Variants in SLC9A9 observed in about 807,000 individuals in gnomAD.
The protein encoded by SLC9A9 is solute carrier family 9 member A9, also known as sodium/hydrogen exchanger 9.
Under a neutral mutation model 77.8 loss-of-function variants are expected in SLC9A9, and 62 were observed. The ratio of observed to expected loss-of-function variants is 0.80; its 90% CI spans 0.65 to 0.98. The LOEUF is 0.98. Among genes scored for constraint, SLC9A9 ranks in the 50% least tolerant of loss-of-function variants. The pLI, the probability that SLC9A9 is intolerant of heterozygous loss-of-function variation, is 0.00. For missense variants in SLC9A9, 775 were observed against 774.9 expected (o/e 1.00, Z 0.00); for synonymous variants, 320 against 283.5 (o/e 1.13, Z -1.29).
intron 6 of SLC9A9, among the ~76,000 whole-genome samples, chr3:143,625,668 G>T (rs1325480182): frequency 6.6e-6 from 1 of 152,146 alleles, no homozygotes; most frequent in East Asian, 1.9e-4. Flanking sequence ...AACCCTAGAA[G>T]AAAACCTAGG....
chr3:143,839,616 AAC>A (rs1377218740), intron 1 of SLC9A9, among the ~76,000 whole-genome samples: 1 of 152,098 alleles, frequency 6.6e-6, no homozygotes, highest in East Asian at 1.9e-4. Flanking sequence ...AGCACATACA[AAC>A]ACAACACATA....
chr3:143,759,613 G>A (rs2007046619), intron 4 of SLC9A9, among the ~76,000 whole-genome samples: 1 of 151,238 alleles, frequency 6.6e-6, no homozygotes, highest in Non-Finnish European at 1.5e-5. Context: ...CCTGTCACCG[G>A]ATGCAATGAG....
intron 11 of SLC9A9, among the ~76,000 whole-genome samples, chr3:143,478,724 G>A (rs1298528677): frequency 2.6e-5 from 4 of 152,154 alleles, no homozygotes; most frequent in Non-Finnish European, 5.9e-5. Flanking sequence ...CAAAACCTGA[G>A]GGCAGAATTA....
intron 2 of SLC9A9, among the ~76,000 whole-genome samples, chr3:143,797,769 C>T (rs966060337): frequency 2.6e-5 from 4 of 152,102 alleles, no homozygotes; most frequent in East Asian, 1.9e-4. Context: ...GAGAACAACC[C>T]CCTTTGACTG....
At chr3:143,294,566 G>T (rs1188003956) in intron 14 of SLC9A9, among the ~76,000 whole-genome samples, 1 of 152,202 alleles carries the variant, frequency 6.6e-6, no homozygotes, top group Non-Finnish European at 1.5e-5. Flanking sequence ...TCCAAATAAT[G>T]CAAGAAAATA....
intron 6 of SLC9A9, among the ~76,000 whole-genome samples, chr3:143,613,548 T>C (rs748992248): frequency 1.3e-5 from 2 of 152,206 alleles, no homozygotes; most frequent in African/African-American, 4.8e-5. Flanking sequence ...AAAAATAATC[T>C]GGAATTTGTT....
At chr3:143,691,242 A>AT (rs534331209) in intron 5 of SLC9A9, among the ~76,000 whole-genome samples, 3 of 151,256 alleles carry the variant, frequency 2.0e-5, no homozygotes, top group South Asian at 2.1e-4. Context: ...TAATTTTTAA[A>AT]TTTTTTTTTG....
intron 6 of SLC9A9, among the ~76,000 whole-genome samples, chr3:143,628,412 T>C (rs373548543): frequency 3.6e-4 from 55 of 152,326 alleles, no homozygotes; most frequent in African/African-American, 1.3e-3. Flanking sequence ...GCCTATAATA[T>C]AATGTTGAGT....
intron 12 of SLC9A9, among the ~76,000 whole-genome samples, chr3:143,446,783 T>C (rs2034850930): frequency 6.6e-6 from 1 of 152,154 alleles, no homozygotes; most frequent in South Asian, 2.1e-4. Flanking sequence ...TGACTGACTC[T>C]TAGTGTGAGG....
At chr3:143,501,659 G>T (rs2035925638) in intron 9 of SLC9A9, among the ~76,000 whole-genome samples, 1 of 150,926 alleles carries the variant, frequency 6.6e-6, no homozygotes, top group Non-Finnish European at 1.5e-5. Flanking sequence ...TTCAATTGTA[G>T]ATGGTTGTTG....
intron 11 of SLC9A9, among the ~76,000 whole-genome samples, chr3:143,477,481 G>A (rs2108577694): frequency 6.6e-6 from 1 of 151,632 alleles, no homozygotes; most frequent in South Asian, 2.1e-4. Flanking sequence ...CAAGACTGCT[G>A]CTCCATGGAC....
chr3:143,491,662 G>A (rs959079967), intron 11 of SLC9A9, among the ~76,000 whole-genome samples: 5 of 152,284 alleles, frequency 3.3e-5, no homozygotes, highest in African/African-American at 1.2e-4. Flanking sequence ...GCGAAAGCCT[G>A]GAGAAACCAT....
intron 11 of SLC9A9, among the ~76,000 whole-genome samples, chr3:143,482,369 A>G (rs532763536): frequency 3.9e-5 from 6 of 152,336 alleles, no homozygotes; most frequent in African/African-American, 1.4e-4. Flanking sequence ...GAAGTTTTGT[A>G]TAAATCCATG....
At chr3:143,556,061 C>T (rs1482038542) in intron 8 of SLC9A9, among the ~76,000 whole-genome samples, 4 of 152,176 alleles carry the variant, frequency 2.6e-5, no homozygotes, top group African/African-American at 9.7e-5. Context: ...CTAAATACAT[C>T]TATTATCTAT....
intron 4 of SLC9A9, among the ~76,000 whole-genome samples, chr3:143,698,454 T>C (rs560564194): frequency 2.6e-5 from 4 of 152,328 alleles, no homozygotes; most frequent in Admixed American, 2.0e-4. Context: ...TTTACTCTAA[T>C]AGAAGGCATT....
chr3:143,513,997 C>T (rs1484385355), intron 9 of SLC9A9, among the ~76,000 whole-genome samples: 1 of 151,794 alleles, frequency 6.6e-6, no homozygotes, highest in Non-Finnish European at 1.5e-5. Flanking sequence ...CCTCCCCCGT[C>T]CCCCTACCCC....
intron 13 of SLC9A9, 115 bp downstream of exon 13, chr3:143,381,945 A>T: frequency 8.4e-7 from 1 of 1,189,034 alleles, no homozygotes; most frequent in East Asian, 2.3e-5. Flanking sequence ...TTTTATCAGC[A>T]GAGGAAGCTC....
At chr3:143,494,566 T>C (rs1028594482) in intron 10 of SLC9A9, among the ~76,000 whole-genome samples, 1 of 152,266 alleles carries the variant, frequency 6.6e-6, no homozygotes, top group African/African-American at 2.4e-5. Flanking sequence ...TTGCCTCTGC[T>C]GGCTGTTCGG....
intron 2 of SLC9A9, among the ~76,000 whole-genome samples, chr3:143,802,247 C>T (rs915397031): frequency 6.6e-6 from 1 of 152,184 alleles, no homozygotes; most frequent in African/African-American, 2.4e-5. Flanking sequence ...CATTTCATAA[C>T]CTCTTCCATG....
Sources: allele counts gnomAD v4.1 joint callset (sites outside exome capture counted in the v4.1 genomes callset), GRCh38; gene constraint gnomAD v4.1.1; transcripts MANE v1.5; gene names NCBI Gene and HGNC (gene_info 2026-07-23, HGNC 2026-07-21).